Variants in HMCN1 observed in about 807,000 individuals in gnomAD.
HMCN1 encodes hemicentin 1.
HMCN1 carries 321 observed loss-of-function variants against 625.9 expected under a neutral mutation model. The observed-to-expected ratio is 0.51, with a 90% CI of 0.47 to 0.56. The LOEUF is 0.56. Among genes scored for constraint, HMCN1 ranks in the 20% least tolerant of loss-of-function variants. HMCN1 has a pLI of 0.00. For synonymous variants in HMCN1, 2,425 were observed against 2,417.6 expected, an observed-to-expected ratio of 1.00 and a Z score of -0.09; for missense variants, 6,588 against 6,887.3, an observed-to-expected ratio of 0.96 and a Z score of 1.54.
At chr1:185,876,485 A>G (rs1446298825) in intron 4 of HMCN1, among the ~76,000 whole-genome samples, 1 of 151,954 alleles carries the variant, frequency 6.6e-6, no homozygotes, top group African/African-American at 2.4e-5. Context: ...CAATATTTCT[A>G]TATTGTTTTC....
intron 39 of HMCN1, 147 bp downstream of exon 39, chr1:186,040,026 G>C (rs1476449746): frequency 2.5e-6 from 2 of 792,568 alleles, no homozygotes; most frequent in African/African-American, 3.4e-5. Context: ...TAAACACCAT[G>C]GACACATAAC....
chr1:186,048,872 G>A, intron 42 of HMCN1, 33 bp downstream of exon 42: 1 of 1,305,738 alleles, frequency 7.7e-7, no homozygotes, highest in South Asian at 1.2e-5. Flanking sequence ...AGCAAATAAT[G>A]CAGCTGTGGT....
chr1:186,029,720 A>G (rs927615682), intron 36 of HMCN1, among the ~76,000 whole-genome samples: 2 of 151,222 alleles, frequency 1.3e-5, no homozygotes, highest in Non-Finnish European at 3.0e-5. Flanking sequence ...TCTCTTCTCT[A>G]TTTAATTTGT....
chr1:185,752,980 T>A (rs1021917884), intron 1 of HMCN1, among the ~76,000 whole-genome samples: 5 of 152,092 alleles, frequency 3.3e-5, no homozygotes, highest in African/African-American at 1.2e-4. Context: ...AAGGAGCAGA[T>A]GTAATGACCA....
Position 186,018,267 on chromosome 1 carries a change from T to A in HMCN1, c.5385T>A (p.Ala1795=). 1 of 1,612,950 alleles carries A rather than the reference T, an allele frequency of 6.2e-7. No individual in the cohort carries two copies. Among genetic ancestry groups the A allele is most frequent in the Non-Finnish European group, 8.5e-7 (1 of 1,179,152 alleles). ...GACGCAAACTGGTTATTGCTCAGGC[T>A]CAAGTGTCAAACACAGGCCTTTATC... ...LNGRKLVIAQ[A]QVSNTGLYRC... is the part of the protein sequence containing the mutation. Residue 1795 remains alanine (A), a synonymous_variant, in exon 34 of 107, where the codon GCT becomes GCA. Transcript: ENST00000271588.
In HMCN1 at chr1:186,144,155, C is replaced by A; in HGVS notation, c.13925-18C>A. The A allele has an allele frequency of 6.3e-7, 1 of 1,576,532 alleles. No homozygotes were observed. The highest frequency in any genetic ancestry group is 1.2e-5 in the South Asian group (1 of 84,558). On this transcript the variant is annotated intron_variant, in intron 89 of 106. Coordinates refer to ENST00000271588, the MANE Select transcript of HMCN1 (RefSeq NM_031935.3). ...ACACGGTTCTGTGACTTGCAACTGT[C>A]TTTTGGGGTGTTTGCAGTTCATGGA...
At chr1:186,130,135 C>A in intron 84 of HMCN1, 35 bp downstream of exon 84, 1 of 1,611,734 alleles carries the variant, frequency 6.2e-7, no homozygotes, top group Non-Finnish European at 8.5e-7. Flanking sequence ...ATTTATAATG[C>A]ATTCATAATG....
At chr1:185,934,286 GC>G (rs1430286153) in intron 11 of HMCN1, among the ~76,000 whole-genome samples, 2 of 152,116 alleles carry the variant, frequency 1.3e-5, no homozygotes, top group Non-Finnish European at 2.9e-5. Flanking sequence ...GGTTTAAGAT[GC>G]TTCTCATCTT....
At position 186,156,965 on chromosome 1, in the gene HMCN1, G is replaced by A. The variant is rs141021127; in HGVS notation, c.15256+2978G>A. Among the ~76,000 whole-genome samples, 25 of 152,218 alleles carry A rather than the reference G, an allele frequency of 1.6e-4. No individual in the cohort carries two copies. The East Asian group carries it at 4.6e-3, about 28-fold the overall frequency. ...GTACTGTATGAGCCAAACCTGGGTT[G>A]CACACCCGTGGGTGATTATAAGAAA... On this transcript the variant is annotated intron_variant, in intron 97 of 106. Coordinates refer to ENST00000271588, the MANE Select transcript of HMCN1 (RefSeq NM_031935.3).
intron 15 of HMCN1, among the ~76,000 whole-genome samples, chr1:185,975,537 CT>C (rs1651143712): frequency 6.6e-6 from 1 of 152,072 alleles, no homozygotes; most frequent in African/African-American, 2.4e-5. Flanking sequence ...CACCAGGCCC[CT>C]CCTCCAAAAT....
chr1:185,847,435 C>T (rs1661892370), intron 2 of HMCN1, among the ~76,000 whole-genome samples: 2 of 152,200 alleles, frequency 1.3e-5, no homozygotes, highest in Non-Finnish European at 2.9e-5. Context: ...ACCTATATCT[C>T]ACCACCCTTT....
rs912320394 is a variant in HMCN1, at chr1:186,190,664, T to C, written c.*786T>C. The C allele has an allele frequency of 7.8e-5, 15 of 192,492 alleles. No homozygotes were observed. Among genetic ancestry groups the C allele is most frequent in the East Asian group, 4.1e-4 (5 of 12,118 alleles). 11.9% of individuals were successfully genotyped at this position (192,492 alleles called of 1,614,324 possible). A position where few individuals can be genotyped will look rare whatever the true frequency, so the allele number is the denominator to read the frequency against. On this transcript the variant is annotated 3_prime_UTR_variant, in exon 107 of 107. Transcript: ENST00000271588. ...CGTTCCAGAATTTTGTTTATTTTCC[T>C]GTCAATGAAAGCAATTTTTAAAGAT...
intron 49 of HMCN1, 113 bp downstream of exon 49, chr1:186,065,542 G>T: frequency 1.4e-6 from 1 of 690,364 alleles, no homozygotes; most frequent in South Asian, 2.2e-5. Context: ...ATCATGTAAG[G>T]AGGACCAGTG....
chr1:186,106,028 T>G (rs1238491982), intron 69 of HMCN1, among the ~76,000 whole-genome samples: 1 of 152,222 alleles, frequency 6.6e-6, no homozygotes, highest in Non-Finnish European at 1.5e-5. Flanking sequence ...AGTCTCAATG[T>G]TTTTGAAAGG....
intron 1 of HMCN1, among the ~76,000 whole-genome samples, chr1:185,783,313 A>G (rs977739149): frequency 1.3e-5 from 2 of 152,180 alleles, no homozygotes; most frequent in African/African-American, 4.8e-5. Flanking sequence ...AGCTTGGAGA[A>G]GTTTGATCAT....
Position 185,925,128 on chromosome 1 carries a change from T to C in HMCN1, c.1367T>C (p.Leu456Pro), listed in dbSNP as rs750537862. 30 of 1,614,004 alleles carry C rather than the reference T, an allele frequency of 1.9e-5. No homozygotes were observed. The highest frequency in any genetic ancestry group is 2.5e-5 in the Non-Finnish European group (29 of 1,179,854). Residue 456 changes from leucine (L) to proline (P), a missense_variant, in exon 9 of 107, where the codon CTT (leucine) becomes CCT (proline). By Grantham distance (98) the Leu-to-Pro change is moderately conservative. Transcript: ENST00000271588. Reference sequence around the variant, plus strand: ...CAAATTCCCTGCTCTGTTGACAGTCTTTTGCCCTTTACCTTGAGCTTTGTC... The same window carrying C: ...CAAATTCCCTGCTCTGTTGACAGTCCTTTGCCCTTTACCTTGAGCTTTGTC... Reference protein sequence around the residue: ...PGQIPCSVDSLLPFTLSFVRN... With the variant: ...PGQIPCSVDSPLPFTLSFVRN...
At chr1:186,114,521 A>G (rs747881381) in intron 73 of HMCN1, among the ~76,000 whole-genome samples, 2 of 152,188 alleles carry the variant, frequency 1.3e-5, no homozygotes, top group Non-Finnish European at 2.9e-5. Context: ...AGCCTTCCAC[A>G]GTGCTGGGAT....
Position 186,119,524 on chromosome 1 carries a change from G to A in HMCN1, c.11957-221G>A, listed in dbSNP as rs113287655. On this transcript the variant is annotated intron_variant, in intron 78 of 106. Transcript: ENST00000271588. Reference sequence around the variant, plus strand: ...TTTTCTTCTTGGCTTTTTATGATCTGTTCCTGACTCTAGTCTTCCAGTGGG... The same window carrying A: ...TTTTCTTCTTGGCTTTTTATGATCTATTCCTGACTCTAGTCTTCCAGTGGG... 7.1e-3 allele frequency among the ~76,000 whole-genome samples: 1,087 copies of A among 152,276 alleles called. 13 individuals are homozygous for A. Among genetic ancestry groups the A allele is most frequent in the African/African-American group, 0.025 (1,051 of 41,544 alleles).
intron 84 of HMCN1, 136 bp downstream of exon 84, chr1:186,130,236 T>C (rs1022000745): frequency 2.3e-5 from 28 of 1,223,834 alleles, no homozygotes; most frequent in Non-Finnish European, 3.2e-5. Flanking sequence ...GATGTACAAA[T>C]TCATGAGAAA....
Sources: gnomAD v4.1 joint callset for allele counts (sites outside exome capture counted in the v4.1 genomes callset) on GRCh38, gnomAD v4.1.1 for gene constraint, MANE v1.5 for transcripts, NCBI Gene and HGNC (gene_info 2026-07-23, HGNC 2026-07-21) for gene names.